The following PDE6B variants were observed in gnomAD, a reference collection of about 807,000 sequenced individuals.
The protein encoded by PDE6B is rod cGMP-specific 3',5'-cyclic phosphodiesterase subunit beta.
A neutral mutation model predicts 109.0 loss-of-function variants in PDE6B; 106 were observed. That is an observed-to-expected ratio of 0.97 (90% CI 0.83 to 1.14). The LOEUF is 1.14. PDE6B is among the 50% of genes most tolerant of loss of function. PDE6B has a pLI of 0.00. For missense variants in PDE6B, 1,193 were observed against 1,155.6 expected (o/e 1.03, Z -0.47); for synonymous variants, 490 against 471.3 (o/e 1.04, Z -0.51).
rs867621922 is a variant in PDE6B at position 649,593 on chromosome 4, C to T, written c.712-4259C>T. ...CTGACCACAGCCTGGGAAGACTGTT[C>T]ACTGGTGGACCCACAAAGGCCTGGG... is the stretch of plus-strand genomic sequence containing the variant. On this transcript the variant is annotated intron_variant, in intron 3 of 21. Coordinates refer to ENST00000496514, the MANE Select transcript of PDE6B (RefSeq NM_000283.4). 2.0e-5 allele frequency among the ~76,000 whole-genome samples: 3 copies of T among 152,140 alleles called. No homozygotes were observed. The South Asian group carries it at 6.2e-4, about 32-fold the overall frequency.
chr4:664,055 C>G (rs1577302251), intron 16 of PDE6B, 59 bp from the exon 17 acceptor site: 1 of 1,293,394 alleles, frequency 7.7e-7, no homozygotes, highest in Non-Finnish European at 1.1e-6. Context: ...CAGACGGGCG[C>G]TTGGGGCGGG....
chr4:642,725 C>CAAAAA (rs71636506), intron 3 of PDE6B, among the ~76,000 whole-genome samples: 1,473 of 43,270 alleles, frequency 0.034, 46 homozygotes, highest in Non-Finnish European at 0.046. Context: ...GACACTGTCT[C>CAAAAA]AAAAAAAAAA....
chr4:638,468 G>A (rs1418963489), intron 3 of PDE6B, among the ~76,000 whole-genome samples: 12 of 151,762 alleles, frequency 7.9e-5, no homozygotes, highest in South Asian at 2.1e-4. Flanking sequence ...GATTACAGGC[G>A]CCCACCACCA....
chr4:663,318 G>A lies in PDE6B; in HGVS notation c.1920+131G>A. 1 of 698,696 alleles carries A rather than the reference G, an allele frequency of 1.4e-6. No homozygotes were observed. Among genetic ancestry groups the A allele is most frequent in the Non-Finnish European group, 2.6e-6 (1 of 378,642 alleles). 43.3% of individuals were successfully genotyped at this position (698,696 alleles called of 1,614,324 possible). A position where few individuals can be genotyped will look rare whatever the true frequency, so the allele number is the denominator to read the frequency against. On this transcript the variant is annotated intron_variant, in intron 15 of 21. Transcript: ENST00000496514. This position sits in a 1 kb window ranked among gnomAD's most constrained non-coding sequence, Gnocchi z 4.0. ...CACTGGGTGTGTGAGCACTGGGGGAGGGCGGCAGAGAAGGCGGAGGGCCGA... is the reference window on the plus strand; with the variant it reads ...CACTGGGTGTGTGAGCACTGGGGGAAGGCGGCAGAGAAGGCGGAGGGCCGA...
intron 1 of PDE6B, among the ~76,000 whole-genome samples, chr4:627,800 T>C (rs191770249): frequency 1.7e-3 from 257 of 152,046 alleles, no homozygotes; most frequent in South Asian, 0.011. Context: ...ATCTGGGCTG[T>C]GTCTTTCTTG....
Position 662,349 on chromosome 4 carries a change from G to A in PDE6B, c.1722+108G>A. On this transcript the variant is annotated intron_variant, in intron 13 of 21. Coordinates refer to ENST00000496514, the MANE Select transcript of PDE6B (RefSeq NM_000283.4). This position sits in a 1 kb window ranked among gnomAD's most constrained non-coding sequence, Gnocchi z 4.3. ...GGGGGTCCTCCCAGGGCAGAAGGATGGAGGAGGGCAACGCCCTCTGACACC... is the reference window on the plus strand; with the variant it reads ...GGGGGTCCTCCCAGGGCAGAAGGATAGAGGAGGGCAACGCCCTCTGACACC... The A allele has an allele frequency of 1.2e-6, 1 of 829,386 alleles. No individual in the cohort carries two copies. Among genetic ancestry groups the A allele is most frequent in the Admixed American group, 2.0e-5 (1 of 50,198 alleles). 51.4% of individuals were successfully genotyped at this position (829,386 alleles called of 1,614,324 possible).
intron 3 of PDE6B, among the ~76,000 whole-genome samples, chr4:640,343 C>T (rs571420115): frequency 6.6e-6 from 1 of 152,154 alleles, no homozygotes; most frequent in East Asian, 1.9e-4. Flanking sequence ...CAAGACCAGC[C>T]TGGCCAAGAT....
In PDE6B at chr4:662,009, T is replaced by C; in HGVS notation, c.1615-125T>C. 1.4e-6 allele frequency: 1 copy of C among 696,556 alleles called. No individual in the cohort carries two copies. Among genetic ancestry groups the C allele is most frequent in the Non-Finnish European group, 2.6e-6 (1 of 379,876 alleles). 43.1% of individuals were successfully genotyped at this position (696,556 alleles called of 1,614,324 possible). ...CGCAGGGATGGGGAAGATCGGGAAG[T>C]CCAGGAGACGGTGTGGGGATGATGG... On this transcript the variant is annotated intron_variant, in intron 12 of 21. Transcript: ENST00000496514. This position sits in a 1 kb window ranked among gnomAD's most constrained non-coding sequence, Gnocchi z 4.3.
intron 10 of PDE6B, 55 bp from the exon 11 acceptor site, chr4:658,897 C>T: frequency 7.7e-7 from 1 of 1,305,608 alleles, no homozygotes; most frequent in Non-Finnish European, 1.1e-6. Flanking sequence ...GCACCGCCGT[C>T]ACCTTGTCCC....
intron 21 of PDE6B, among the ~76,000 whole-genome samples, chr4:669,528 C>T (rs1179490749): frequency 9.8e-6 from 1 of 101,764 alleles, no homozygotes; most frequent in Non-Finnish European, 2.0e-5. Flanking sequence ...ATGCTATTCC[C>T]GCTACCCCAT....
At chr4:638,093 G>C (rs114984228) in intron 3 of PDE6B, among the ~76,000 whole-genome samples, 278 of 152,320 alleles carry the variant, frequency 1.8e-3, no homozygotes, top group African/African-American at 6.4e-3. Flanking sequence ...GAGCGTTCCT[G>C]CTGCTCTGCA....
rs747211685 is a variant in PDE6B, at chr4:655,934, C to G, written c.993-6C>G. ...GGCCTATCTGACCCCTGCTCTCTGC[C>G]CACAGCACACCCTCAGCCGATCACT... On this transcript the variant is annotated splice_polypyrimidine_tract_variant and splice_region_variant and intron_variant, in intron 6 of 21. Transcript: ENST00000496514. 6.3e-7 allele frequency: 1 copy of G among 1,599,446 alleles called. No homozygotes were observed. Among genetic ancestry groups the G allele is most frequent in the African/African-American group, 1.3e-5 (1 of 74,758 alleles).
rs1560118521 is a variant in PDE6B at position 654,118 on chromosome 4, C to T, written c.891C>T (p.Ser297=). The T allele has an allele frequency of 6.2e-7, 1 of 1,613,846 alleles. No homozygotes were observed. Residue 297 remains serine, a synonymous_variant, in exon 5 of 22, where the codon TCC becomes TCT. Transcript: ENST00000496514. ...FDVWSVLMGE[S]QPYSGPRTPD... is the part of the protein sequence containing the mutation. The stretch of plus-strand genomic sequence containing the variant: ...TGTGGTCTGTGCTGATGGGAGAGTC[C>T]CAGCCGTACTCGGGCCCACGCACGC...
intron 3 of PDE6B, chr4:653,603 T>C (rs906827358): frequency 2.2e-5 from 13 of 598,958 alleles, no homozygotes; most frequent in Non-Finnish European, 3.0e-5. Context: ...ACTCGTCCAC[T>C]CCTGAGTGAT....
In PDE6B at chr4:666,608, G is replaced by T. The variant is rs763376119; in HGVS notation, c.2346G>T (p.Val782=). The T allele has an allele frequency of 7.5e-6, 12 of 1,608,230 alleles. No homozygotes were observed. Among genetic ancestry groups the T allele is most frequent in the Non-Finnish European group, 1.0e-5 (12 of 1,174,956 alleles). ...TCATCGACTTCGTGTGCACATTCGT[G>T]TACAAGGCGAGTGGTTCACGGGTGT... is the stretch of plus-strand genomic sequence containing the variant. The part of the protein sequence containing the change: ...VGFIDFVCTF[V]YKEFSRFHEE... The change falls in exon 20 of 22, where the codon GTG becomes GTT. Residue 782 remains valine (V), a synonymous_variant. Transcript: ENST00000496514. The surrounding 1 kb of genome is among the most constrained non-coding windows in gnomAD (Gnocchi z 5.6).
chr4:645,701 C>CT (rs1246680241), intron 3 of PDE6B, among the ~76,000 whole-genome samples: 5 of 151,958 alleles, frequency 3.3e-5, no homozygotes, highest in Admixed American at 3.3e-4. Flanking sequence ...ATCATCCCCT[C>CT]TTTTTTTCTG....
intron 20 of PDE6B, 54 bp from the exon 21 acceptor site, chr4:667,802 C>A: frequency 1.3e-6 from 2 of 1,584,124 alleles, no homozygotes; most frequent in South Asian, 2.2e-5. Flanking sequence ...GGCTATCTTA[C>A]TCTGGAGAGA....
intron 3 of PDE6B, among the ~76,000 whole-genome samples, chr4:639,780 G>A (rs1426623085): frequency 6.6e-6 from 1 of 152,180 alleles, no homozygotes; most frequent in African/African-American, 2.4e-5. Flanking sequence ...AGACCAGCCT[G>A]GGCAACACGG....
chr4:637,564 C>T (rs1734750800), intron 3 of PDE6B, among the ~76,000 whole-genome samples: 1 of 152,188 alleles, frequency 6.6e-6, no homozygotes, highest in Admixed American at 6.5e-5. Flanking sequence ...TTGTGTATTT[C>T]CTGCCCTGGT....
Sources: gnomAD v4.1 joint callset for allele counts (sites outside exome capture counted in the v4.1 genomes callset) on GRCh38, gnomAD v4.1.1 for gene constraint, Gnocchi (gnomAD v3.1) non-coding constraint, MANE v1.5 for transcripts, NCBI Gene and HGNC (gene_info 2026-07-23, HGNC 2026-07-21) for gene names.